The following GNAQ variants were observed in gnomAD, a reference collection of about 807,000 sequenced individuals.
GNAQ encodes the protein guanine nucleotide-binding protein G(q) subunit alpha.
A neutral mutation model predicts 43.9 loss-of-function variants in GNAQ; 8 were observed. The ratio of observed to expected loss-of-function variants is 0.18; its 90% CI spans 0.11 to 0.33. The LOEUF (loss-of-function observed/expected upper bound fraction) is 0.33. Ranked by LOEUF, GNAQ falls within the 10% of genes least tolerant of loss-of-function variation. The pLI is 1.00. For missense variants in GNAQ, 158 were observed against 450.8 expected (o/e 0.35, Z 5.88); for synonymous variants, 155 against 170.7 (o/e 0.91, Z 0.71).
chr9:77,809,389 C>T (rs552735794), intron 3 of GNAQ, among the ~76,000 whole-genome samples: 4 of 152,232 alleles, frequency 2.6e-5, no homozygotes, highest in African/African-American at 9.6e-5. Flanking sequence ...TGTCTTCTGG[C>T]TAATGTCAGG....
chr9:77,805,860 A>G (rs949908118), intron 3 of GNAQ, among the ~76,000 whole-genome samples: 1 of 152,230 alleles, frequency 6.6e-6, no homozygotes, highest in African/African-American at 2.4e-5. Context: ...ATTTCCCTCT[A>G]CCAAAGAACT....
intron 1 of GNAQ, among the ~76,000 whole-genome samples, chr9:77,934,333 G>A (rs934258514): frequency 5.2e-4 from 79 of 152,150 alleles, no homozygotes; most frequent in African/African-American, 1.8e-3. Context: ...TCACGAGAAC[G>A]TCACCTAGTA....
chr9:77,751,618 A>G (rs1825812394), intron 5 of GNAQ, among the ~76,000 whole-genome samples: 1 of 152,098 alleles, frequency 6.6e-6, no homozygotes, highest in South Asian at 2.1e-4. Flanking sequence ...AAGAGCTACA[A>G]CCTCACTTAA....
At chr9:77,734,952 C>T (rs1468216822) in intron 5 of GNAQ, among the ~76,000 whole-genome samples, 2 of 152,182 alleles carry the variant, frequency 1.3e-5, no homozygotes, top group African/African-American at 2.4e-5. Context: ...GTTAAGACAA[C>T]ATCTGCTGGG....
At chr9:77,752,647 T>C (rs1241796812) in intron 5 of GNAQ, among the ~76,000 whole-genome samples, 1 of 152,228 alleles carries the variant, frequency 6.6e-6, no homozygotes, top group Non-Finnish European at 1.5e-5. Context: ...TGTCTCCTTG[T>C]GTTCTTAGAT....
At chr9:78,005,803 C>G (rs1823698924) in intron 1 of GNAQ, among the ~76,000 whole-genome samples, 1 of 152,132 alleles carries the variant, frequency 6.6e-6, no homozygotes. Flanking sequence ...TCCCCAGGCT[C>G]AATGATTCAC....
Position 77,797,764 on chromosome 9 carries a change from T to C in GNAQ, c.477-116A>G. 5.9e-6 allele frequency: 5 copies of C among 849,466 alleles called. No individual in the cohort carries two copies. The East Asian group carries it at 1.0e-4, about 17-fold the overall frequency. The allele number at this position is 849,466 out of a possible 1,614,324, so 52.6% of individuals were successfully genotyped here. Reference sequence around the variant, plus strand: ...GAGAAGTAAAGAAGAGAAAGAAAAATATCAGAAAGTGGTAGAGGAGTCTGT... The same window carrying C: ...GAGAAGTAAAGAAGAGAAAGAAAAACATCAGAAAGTGGTAGAGGAGTCTGT... On this transcript the variant is annotated intron_variant, in intron 3 of 6. Coordinates refer to ENST00000286548, the MANE Select transcript of GNAQ (RefSeq NM_002072.5).
chr9:77,874,280 C>T (rs1037003972), intron 2 of GNAQ, among the ~76,000 whole-genome samples: 5 of 152,046 alleles, frequency 3.3e-5, no homozygotes, highest in African/African-American at 7.2e-5. Flanking sequence ...AAAGGTAAAA[C>T]GAGTCTTTCC....
rs1018524415 is a variant in GNAQ, at chr9:77,856,362, T to C, written c.322-40592A>G. Among the ~76,000 whole-genome samples the C allele has an allele frequency of 3.3e-5, 5 of 152,186 alleles. 1 individual carries two copies. Among genetic ancestry groups the C allele is most frequent in the Middle Eastern group, 6.8e-3 (2 of 294 alleles). ...ATTGATGTATTGTATATAGAAAGAA[T>C]TGGAAAATTTCAAAATATATATATA... On this transcript the variant is annotated intron_variant, in intron 2 of 6. Transcript: ENST00000286548.
At chr9:77,827,764 G>T (rs1827221997) in intron 2 of GNAQ, among the ~76,000 whole-genome samples, 1 of 151,990 alleles carries the variant, frequency 6.6e-6, no homozygotes, top group Non-Finnish European at 1.5e-5. Flanking sequence ...CTTGTTGGTA[G>T]AAATATCAAT....
intron 1 of GNAQ, among the ~76,000 whole-genome samples, chr9:78,021,045 CTTTTTTTT>C (rs545575616): frequency 1.8e-5 from 2 of 112,208 alleles, no homozygotes; most frequent in East Asian, 5.5e-4. Flanking sequence ...CAGGAAGCTG[CTTTTTTTT>C]TTTTTTTTTT....
intron 1 of GNAQ, among the ~76,000 whole-genome samples, chr9:77,989,941 C>A (rs77376978): frequency 0.059 from 9,012 of 152,146 alleles, 300 homozygotes; most frequent in African/African-American, 0.064. Flanking sequence ...AATATATACT[C>A]CCTTCTGAAA....
chr9:77,791,080 G>A (rs1217280815), intron 5 of GNAQ, among the ~76,000 whole-genome samples: 3 of 152,148 alleles, frequency 2.0e-5, no homozygotes, highest in Non-Finnish European at 2.9e-5. Flanking sequence ...CTATCTTGAC[G>A]TTTTAATAAA....
intron 5 of GNAQ, among the ~76,000 whole-genome samples, chr9:77,749,633 A>G (rs910305896): frequency 1.3e-5 from 2 of 152,208 alleles, no homozygotes; most frequent in Non-Finnish European, 2.9e-5. Context: ...TCCACATACT[A>G]TACACAAATT....
intron 2 of GNAQ, among the ~76,000 whole-genome samples, chr9:77,821,755 G>A (rs11145576): frequency 6.6e-6 from 1 of 151,188 alleles, no homozygotes; most frequent in East Asian, 1.9e-4. Context: ...GTGTGTGTGT[G>A]TGTATGTATG....
At chr9:77,913,161 C>T (rs1587405317) in intron 2 of GNAQ, among the ~76,000 whole-genome samples, 1 of 152,152 alleles carries the variant, frequency 6.6e-6, no homozygotes, top group East Asian at 1.9e-4. Context: ...TACTTTCTGA[C>T]TCAGGAATTC....
At chr9:78,021,489 T>C (rs112627432) in intron 1 of GNAQ, among the ~76,000 whole-genome samples, 3 of 152,224 alleles carry the variant, frequency 2.0e-5, no homozygotes, top group African/African-American at 7.2e-5. Context: ...CTGCTTTTAA[T>C]GAAAGCCCCA....
chr9:77,746,390 G>A lies in GNAQ; in HGVS notation c.736-17723C>T, dbSNP rs372332282. ...GGATGACAAATGTATAAAATGCAAC[G>A]GAACAACCAGTCCTGATTAGAAAAG... is the stretch of plus-strand genomic sequence containing the variant. On this transcript the variant is annotated intron_variant, in intron 5 of 6. Coordinates refer to ENST00000286548, the MANE Select transcript of GNAQ (RefSeq NM_002072.5). Among the ~76,000 whole-genome samples the A allele has an allele frequency of 1.9e-4, 29 of 152,158 alleles. No homozygotes were observed. In the South Asian group the frequency reaches 2.9e-3, roughly 15 times the overall value.
At chr9:77,811,633 A>G (rs148955960) in intron 3 of GNAQ, among the ~76,000 whole-genome samples, 18 of 152,296 alleles carry the variant, frequency 1.2e-4, no homozygotes, top group African/African-American at 4.1e-4. Flanking sequence ...GCAGCAAATG[A>G]GTGACTCTAT....
Sources: allele counts gnomAD v4.1 joint callset (sites outside exome capture counted in the v4.1 genomes callset), GRCh38; gene constraint gnomAD v4.1.1; transcripts MANE v1.5; gene names NCBI Gene and HGNC (gene_info 2026-07-23, HGNC 2026-07-21).